Variants in ABCC5 observed in about 807,000 individuals in gnomAD.
ABCC5 encodes ATP binding cassette subfamily C member 5.
In ABCC5, 61 loss-of-function variants were observed where a neutral mutation model predicts 160.9. The observed-to-expected ratio is 0.38, with a 90% confidence interval of 0.31 to 0.47. The LOEUF (loss-of-function observed/expected upper bound fraction) is 0.47, where lower values mean the gene tolerates loss of function less well. ABCC5 is among the 20% of genes least tolerant of loss of function. The pLI is 0.99. For missense variants in ABCC5, 1,308 were observed against 1,813.3 expected, an observed-to-expected ratio of 0.72 and a Z score of 5.06; for synonymous variants, 666 against 700.6, an observed-to-expected ratio of 0.95 and a Z score of 0.78.
At chr3:183,959,620 C>A in intron 17 of ABCC5, 113 bp downstream of exon 17, 1 of 797,906 alleles carries the variant, frequency 1.3e-6, no homozygotes, top group South Asian at 2.0e-5. Flanking sequence ...AATGTAAGAC[C>A]AAGTATTTAT....
chr3:183,926,953 G>A (rs1429489048), intron 28 of ABCC5, among the ~76,000 whole-genome samples: 1 of 151,990 alleles, frequency 6.6e-6, no homozygotes, highest in African/African-American at 2.4e-5. Flanking sequence ...GCTGAGGCAG[G>A]AGAATCACTT....
intron 5 of ABCC5, chr3:183,984,363 G>A: frequency 2.0e-6 from 2 of 986,102 alleles, no homozygotes; most frequent in Non-Finnish European, 2.4e-6. Context: ...TTGATGTGAA[G>A]CCCATCCACC....
chr3:184,010,404 G>C (rs1721630057), intron 2 of ABCC5: 1 of 152,062 alleles, frequency 6.6e-6, no homozygotes, highest in African/African-American at 2.4e-5. Flanking sequence ...GGCTTCAGTG[G>C]CATGTTGAAA....
At chr3:183,944,954 T>G (rs1405336836) in intron 24 of ABCC5, among the ~76,000 whole-genome samples, 2 of 152,210 alleles carry the variant, frequency 1.3e-5, no homozygotes, top group Non-Finnish European at 2.9e-5. Context: ...GGGGGTGGAC[T>G]TCCCCCTTGC....
At chr3:184,007,250 G>C (rs1313442866) in intron 2 of ABCC5, among the ~76,000 whole-genome samples, 1 of 151,436 alleles carries the variant, frequency 6.6e-6, no homozygotes, top group Non-Finnish European at 1.5e-5. Context: ...TCAATCTCCT[G>C]ACCTTGTGAT....
In ABCC5 at chr3:183,960,539, T is replaced by C. The variant is rs750219145; in HGVS notation, c.2380-704A>G. 2.6e-5 allele frequency among the ~76,000 whole-genome samples: 4 copies of C among 152,268 alleles called. No individual in the cohort carries two copies. The South Asian group carries it at 8.3e-4, about 32-fold the overall frequency. On this transcript the variant is annotated intron_variant, in intron 16 of 29. Transcript: ENST00000334444. ...CGCCCTTAGAACTCCATTAGTACTA[T>C]ACATGTGATGTGGTCTTGTAAGCCA...
intron 28 of ABCC5, 137 bp downstream of exon 28, chr3:183,927,191 TAG>T (rs1485619659): frequency 1.1e-5 from 9 of 829,490 alleles, no homozygotes; most frequent in Non-Finnish European, 1.7e-5. Flanking sequence ...GTGTCAGGGT[TAG>T]AGTTATCTCT....
intron 2 of ABCC5, among the ~76,000 whole-genome samples, chr3:183,997,084 A>T (rs1466896320): frequency 1.3e-5 from 2 of 152,222 alleles, no homozygotes; most frequent in Non-Finnish European, 2.9e-5. Context: ...TGTTGGCAAG[A>T]ACTTTCAAAT....
chr3:183,971,519 G>A, intron 11 of ABCC5, 44 bp downstream of exon 11: 4 of 1,562,902 alleles, frequency 2.6e-6, no homozygotes, highest in Non-Finnish European at 3.5e-6. Context: ...GATCAGCATG[G>A]GGTGGTGGGG....
intron 2 of ABCC5, among the ~76,000 whole-genome samples, chr3:184,005,219 G>A (rs914704239): frequency 6.6e-6 from 1 of 152,096 alleles, no homozygotes; most frequent in African/African-American, 2.4e-5. Context: ...AGGCTAAATG[G>A]GGACTGGGCA....
Position 183,987,747 on chromosome 3 carries a change from C to A in ABCC5, c.591+23G>T. The A allele has an allele frequency of 6.2e-7, 1 of 1,614,094 alleles. No individual in the cohort carries two copies. The highest frequency in any genetic ancestry group is 8.5e-7 in the Non-Finnish European group (1 of 1,180,008). Reference sequence around the variant, plus strand: ...CCGTGGCCGGGCCCCTGGAGACTGTCGGAAAGGATGGTTAGAACTTACTGG... The same window carrying A: ...CCGTGGCCGGGCCCCTGGAGACTGTAGGAAAGGATGGTTAGAACTTACTGG... On this transcript the variant is annotated intron_variant, in intron 5 of 29. Coordinates refer to ENST00000334444, the MANE Select transcript of ABCC5 (RefSeq NM_005688.4). This position sits in a 1 kb window ranked among gnomAD's most constrained non-coding sequence, Gnocchi z 4.2.
rs184308214 is a variant in ABCC5 at position 183,990,213 on chromosome 3, A to G, written c.130-830T>C. Among the ~76,000 whole-genome samples, 528 of 151,986 alleles carry G rather than the reference A, an allele frequency of 3.5e-3. 3 individuals carry two copies. The highest frequency in any genetic ancestry group is 4.8e-3 in the Non-Finnish European group (325 of 67,974). ...AATCTCAGCCTCCCCGGTTCAAGCA[A>G]TTCTCATGTCTCAGCCTCCGAGTAG... On this transcript the variant is annotated intron_variant, in intron 2 of 29. Transcript: ENST00000334444.
At chr3:183,980,021 T>C (rs1718574128) in intron 8 of ABCC5, among the ~76,000 whole-genome samples, 1 of 152,124 alleles carries the variant, frequency 6.6e-6, no homozygotes, top group African/African-American at 2.4e-5. Flanking sequence ...GATTACAGGC[T>C]GTGCCACCAC....
At position 183,989,296 on chromosome 3, in the gene ABCC5, C is replaced by A; in HGVS notation, c.217G>T (p.Asp73Tyr). 3 of 1,614,040 alleles carry A rather than the reference C, an allele frequency of 1.9e-6. No homozygotes were observed. The highest frequency in any genetic ancestry group is 2.5e-6 in the Non-Finnish European group (3 of 1,179,992). Residue 73 changes from aspartate to tyrosine, a missense_variant, in exon 3 of 30, where the codon GAT becomes TAT. This residue lies in a region of ABCC5 where 1,142 missense variants were observed against 1,527.1 expected (regional missense o/e 0.75). Coordinates refer to ENST00000334444, the MANE Select transcript of ABCC5 (RefSeq NM_005688.4). ...ASMHSQLRIL[D>Y]EEHPKGKYHH... is the part of the protein sequence containing the mutation. ...TACTTTCCCTTGGGATGCTCCTCAT[C>A]CAGGATTCTGAGCTGAGAATGCATG...
At position 183,953,275 on chromosome 3, in the gene ABCC5, G is replaced by A. The variant is rs1685655458; in HGVS notation, c.2483-5C>T. The A allele has an allele frequency of 1.3e-6, 2 of 1,586,660 alleles. No homozygotes were observed. The highest frequency in any genetic ancestry group is 1.9e-5 in the Admixed American group (1 of 53,372). ...CTTCCAGCTGCACAAGCTGCCCTAGGTAAGAAAAAAAGAAACATGGACTCA... is the reference window on the plus strand; with the variant it reads ...CTTCCAGCTGCACAAGCTGCCCTAGATAAGAAAAAAAGAAACATGGACTCA... On this transcript the variant is annotated splice_region_variant and splice_polypyrimidine_tract_variant and intron_variant, in intron 17 of 29. Coordinates refer to ENST00000334444, the MANE Select transcript of ABCC5 (RefSeq NM_005688.4).
chr3:183,940,848 GTTATTATTA>G (rs34025610), intron 25 of ABCC5, among the ~76,000 whole-genome samples: 3 of 150,978 alleles, frequency 2.0e-5, no homozygotes, highest in East Asian at 1.9e-4. Flanking sequence ...TGTAAATCAG[GTTATTATTA>G]TTATTATTAT....
At chr3:184,013,378 T>G (rs1238066239) in intron 2 of ABCC5, among the ~76,000 whole-genome samples, 1 of 152,058 alleles carries the variant, frequency 6.6e-6, no homozygotes, top group Non-Finnish European at 1.5e-5. Context: ...GCCTCCCTCC[T>G]GAGTAGCTGG....
At chr3:184,011,081 T>C (rs1721699797) in intron 2 of ABCC5, among the ~76,000 whole-genome samples, 1 of 152,164 alleles carries the variant, frequency 6.6e-6, no homozygotes, top group Non-Finnish European at 1.5e-5. Context: ...CCTTTTCTTA[T>C]GTCCACGAAT....
At chr3:183,937,721 G>T (rs1713878849) in intron 26 of ABCC5, among the ~76,000 whole-genome samples, 180 bp downstream of exon 26, 1 of 152,166 alleles carries the variant, frequency 6.6e-6, no homozygotes, top group South Asian at 2.1e-4. Flanking sequence ...CAACCAAGTG[G>T]CATTGTGAGT....
Sources: gnomAD v4.1 joint callset for allele counts (sites outside exome capture counted in the v4.1 genomes callset) on GRCh38, gnomAD v4.1.1 for gene constraint, gnomAD v4.1.1 regional missense constraint, Gnocchi (gnomAD v3.1) non-coding constraint, MANE v1.5 for transcripts, NCBI Gene and HGNC (gene_info 2026-07-23, HGNC 2026-07-21) for gene names.